FBXL17: variants seen among roughly 807,000 people sequenced by gnomAD.
FBXL17 encodes the protein F-box/LRR-repeat protein 17.
FBXL17 carries 22 observed loss-of-function variants against 66.2 expected under a neutral mutation model. The ratio of observed to expected loss-of-function variants is 0.33; its 90% CI spans 0.24 to 0.47. FBXL17 has a LOEUF of 0.47. FBXL17 is among the 20% of genes least tolerant of loss of function. The probability of loss-of-function intolerance (pLI) is 1.00; values close to 1 mark genes in which losing one functional copy is unlikely to be tolerated. For missense variants in FBXL17, 878 were observed against 948.2 expected, an observed-to-expected ratio of 0.93 and a Z score of 0.97; for synonymous variants, 474 against 400.5, an observed-to-expected ratio of 1.18 and a Z score of -2.19.
At chr5:108,079,717 A>G (rs1232446802) in intron 6 of FBXL17, among the ~76,000 whole-genome samples, 1 of 152,232 alleles carries the variant, frequency 6.6e-6, no homozygotes, top group African/African-American at 2.4e-5. Flanking sequence ...TGTGGGTGCC[A>G]GCAATGAGGT....
rs189694051 is a variant in FBXL17, at chr5:108,123,136, T to G, written c.1745+62981A>C. Among the ~76,000 whole-genome samples the G allele has an allele frequency of 2.4e-3, 360 of 151,454 alleles. 1 individual carries two copies. Among genetic ancestry groups the G allele is most frequent in the Non-Finnish European group, 3.1e-3 (209 of 67,936 alleles). On this transcript the variant is annotated intron_variant, in intron 6 of 8. Coordinates refer to ENST00000542267, the MANE Select transcript of FBXL17 (RefSeq NM_001163315.3). ...CTTGTTGTGTGATGGTGGTTGTGCA[T>G]GTGCTTGGGTAAGTTTTTTGTCTTT...
intron 4 of FBXL17, among the ~76,000 whole-genome samples, chr5:108,333,658 G>T (rs1372166328): frequency 6.6e-6 from 1 of 151,792 alleles, no homozygotes; most frequent in Non-Finnish European, 1.5e-5. Context: ...TATCAACACA[G>T]GAAGCTAACA....
intron 1 of FBXL17, among the ~76,000 whole-genome samples, chr5:108,377,900 A>G (rs975526930): frequency 2.0e-5 from 3 of 152,240 alleles, no homozygotes; most frequent in Admixed American, 2.0e-4. Flanking sequence ...ACTGCAACCA[A>G]GTAGCATCTT....
At chr5:107,878,616 C>G (rs1748686604) in intron 8 of FBXL17, 1 of 985,224 alleles carries the variant, frequency 1.0e-6, no homozygotes, top group South Asian at 4.7e-5. Context: ...TTACTCATAT[C>G]TTCCTTTGAA....
intron 6 of FBXL17, among the ~76,000 whole-genome samples, chr5:108,178,595 A>C (rs1295061878): frequency 5.3e-5 from 8 of 152,216 alleles, no homozygotes; most frequent in Non-Finnish European, 1.0e-4. Flanking sequence ...GTCATAGACA[A>C]TACACAAAAC....
At chr5:108,281,244 C>T (rs1017692307) in intron 4 of FBXL17, among the ~76,000 whole-genome samples, 3 of 151,872 alleles carry the variant, frequency 2.0e-5, no homozygotes, top group African/African-American at 7.2e-5. Flanking sequence ...GAACATTCTC[C>T]TAGATAGACC....
At chr5:108,346,189 T>C (rs1000534670) in intron 4 of FBXL17, among the ~76,000 whole-genome samples, 4 of 152,142 alleles carry the variant, frequency 2.6e-5, no homozygotes, top group Non-Finnish European at 4.4e-5. Context: ...AGGTTAGTTA[T>C]CAATATCTCA....
chr5:107,877,420 G>A (rs1189027589), intron 8 of FBXL17, among the ~76,000 whole-genome samples: 1 of 152,094 alleles, frequency 6.6e-6, no homozygotes, highest in Non-Finnish European at 1.5e-5. Context: ...GGGGTCGTGG[G>A]GGGAAACACT....
chr5:108,287,066 C>A (rs931231497), intron 4 of FBXL17, among the ~76,000 whole-genome samples: 25 of 151,950 alleles, frequency 1.6e-4, no homozygotes, highest in African/African-American at 6.0e-4. Flanking sequence ...GCTGGTTAGC[C>A]ACATGCAGAA....
intron 1 of FBXL17, among the ~76,000 whole-genome samples, chr5:108,368,881 C>T (rs1341210781): frequency 1.4e-5 from 2 of 147,894 alleles, no homozygotes; most frequent in Non-Finnish European, 3.0e-5. Context: ...GCCTGCCTCC[C>T]ATTTTATTCC....
intron 6 of FBXL17, among the ~76,000 whole-genome samples, chr5:108,050,568 A>AT (rs2112821809): frequency 6.6e-6 from 1 of 152,264 alleles, no homozygotes; most frequent in South Asian, 2.1e-4. Context: ...TAAGAGGGAA[A>AT]TTTATAGCAC....
In FBXL17 at chr5:108,380,639, G is replaced by C. The variant is rs1271104698; in HGVS notation, c.993+60C>G. The C allele has an allele frequency of 2.6e-5, 28 of 1,076,552 alleles. 1 individual carries two copies. In the Admixed American group the frequency reaches 3.4e-4, roughly 13 times the overall value. 66.7% of individuals were successfully genotyped at this position (1,076,552 alleles called of 1,614,324 possible). ...TTAGGGGGAGGAGAGAGAAAGCCTC[G>C]GAGGCGGGGGCCGGGGGTGGGGGAA... On this transcript the variant is annotated intron_variant, in intron 1 of 8. Transcript: ENST00000542267.
chr5:107,877,349 C>T (rs1056503196), intron 8 of FBXL17, among the ~76,000 whole-genome samples: 4 of 152,136 alleles, frequency 2.6e-5, no homozygotes, highest in East Asian at 3.9e-4. Context: ...TCATCTGCAA[C>T]GAATACGTTT....
chr5:108,078,102 C>T (rs892742064), intron 6 of FBXL17, among the ~76,000 whole-genome samples: 1 of 152,176 alleles, frequency 6.6e-6, no homozygotes, highest in Non-Finnish European at 1.5e-5. Context: ...TATGTTTCTA[C>T]AGAAATGCCT....
At chr5:108,247,015 A>G (rs886272794) in intron 4 of FBXL17, among the ~76,000 whole-genome samples, 2 of 152,160 alleles carry the variant, frequency 1.3e-5, no homozygotes, top group Non-Finnish European at 2.9e-5. Context: ...TATTAAATGT[A>G]ATTCAATTCA....
intron 4 of FBXL17, among the ~76,000 whole-genome samples, chr5:108,291,375 G>A (rs551878388): frequency 4.0e-4 from 61 of 152,258 alleles, no homozygotes; most frequent in African/African-American, 1.4e-3. Context: ...CACGTGCTCT[G>A]CTTTTCCTTA....
chr5:108,078,494 C>T (rs1748639255), intron 6 of FBXL17, among the ~76,000 whole-genome samples: 1 of 152,198 alleles, frequency 6.6e-6, no homozygotes, highest in African/African-American at 2.4e-5. Context: ...CCCTGCAAAG[C>T]TGTCTTTTGT....
intron 4 of FBXL17, among the ~76,000 whole-genome samples, chr5:108,231,462 T>C (rs1294314043): frequency 6.6e-6 from 1 of 151,934 alleles, no homozygotes; most frequent in African/African-American, 2.4e-5. Flanking sequence ...TAATGTAAGG[T>C]TTTGAGGTTT....
chr5:107,956,681 T>C (rs1751677372), intron 7 of FBXL17, among the ~76,000 whole-genome samples: 1 of 152,178 alleles, frequency 6.6e-6, no homozygotes, highest in African/African-American at 2.4e-5. Flanking sequence ...GACAATTAAC[T>C]TGTTCTGCAG....
Sources: allele counts gnomAD v4.1 joint callset (sites outside exome capture counted in the v4.1 genomes callset), GRCh38; gene constraint gnomAD v4.1.1; transcripts MANE v1.5; gene names NCBI Gene and HGNC (gene_info 2026-07-23, HGNC 2026-07-21).